PIK3C2G: variants seen among roughly 807,000 people sequenced by gnomAD.
The protein encoded by PIK3C2G is phosphatidylinositol-4-phosphate 3-kinase catalytic subunit type 2 gamma.
In PIK3C2G, 168 loss-of-function variants were observed where a neutral mutation model predicts 181.1. That is an observed-to-expected ratio of 0.93 (90% CI 0.82 to 1.05). PIK3C2G has a LOEUF of 1.05. Ranked by LOEUF, PIK3C2G falls within the 50% of genes least tolerant of loss-of-function variation. The pLI is 0.00. For missense variants in PIK3C2G, 1,869 were observed against 1,732.8 expected, an observed-to-expected ratio of 1.08 and a Z score of -1.40; for synonymous variants, 573 against 592.2, an observed-to-expected ratio of 0.97 and a Z score of 0.47.
At chr12:18,689,438 C>A in the PIK3C2G span, among the ~76,000 whole-genome samples, 1 of 152,134 alleles carries the variant, frequency 6.6e-6, no homozygotes, top group African/African-American at 2.4e-5. Flanking sequence ...TTATGAGATT[C>A]TTTTTGCATT....
intron 11 of PIK3C2G, among the ~76,000 whole-genome samples, chr12:18,348,769 G>T (rs190251569): frequency 2.6e-4 from 39 of 152,270 alleles, no homozygotes; most frequent in African/African-American, 8.9e-4. Flanking sequence ...TTACCCCAAA[G>T]CTTAGCAGTT....
chr12:18,716,253 GA>G, the PIK3C2G span, among the ~76,000 whole-genome samples: 7 of 151,658 alleles, frequency 4.6e-5, no homozygotes, highest in African/African-American at 1.2e-4. Context: ...GGGGTGGGGG[GA>G]AAAAACCACC....
intron 2 of PIK3C2G, 64 bp downstream of exon 2, chr12:18,282,823 G>A: frequency 9.0e-7 from 1 of 1,116,676 alleles, no homozygotes; most frequent in Non-Finnish European, 1.3e-6. Context: ...AATGTATTGG[G>A]TTAATTTGGT....
downstream of PIK3C2G, among the ~76,000 whole-genome samples, chr12:18,652,805 A>T (rs958564333): frequency 6.6e-6 from 1 of 151,902 alleles, no homozygotes; most frequent in Non-Finnish European, 1.5e-5. Flanking sequence ...AGAAAGAATT[A>T]TTATGTCTCC....
intron 29 of PIK3C2G, among the ~76,000 whole-genome samples, chr12:18,571,472 C>G (rs1011049458): frequency 6.6e-6 from 1 of 150,748 alleles, no homozygotes; most frequent in Non-Finnish European, 1.5e-5. Flanking sequence ...ATTTATACAT[C>G]TAACTACTTC....
At chr12:18,673,008 G>T in the PIK3C2G span, among the ~76,000 whole-genome samples, 1 of 152,146 alleles carries the variant, frequency 6.6e-6, no homozygotes. Context: ...TGACACAAAA[G>T]ATGGCATACA....
chr12:18,647,527 A>G (rs1401988148), intron 32 of PIK3C2G, among the ~76,000 whole-genome samples: 1 of 151,370 alleles, frequency 6.6e-6, no homozygotes, highest in African/African-American at 2.4e-5. Context: ...TTTTATTTTT[A>G]TGAATACATA....
the PIK3C2G span, among the ~76,000 whole-genome samples, chr12:18,687,529 G>A: frequency 6.6e-6 from 1 of 152,060 alleles, no homozygotes; most frequent in Admixed American, 6.6e-5. Context: ...TGTGTAAGAT[G>A]TCATAGCATG....
intron 8 of PIK3C2G, among the ~76,000 whole-genome samples, chr12:18,326,544 A>C (rs912613003): frequency 6.6e-6 from 1 of 152,212 alleles, no homozygotes; most frequent in Admixed American, 6.5e-5. Context: ...ATGTAAAGAC[A>C]TGGAGACTAC....
At chr12:18,316,783 A>G (rs925314646) in intron 6 of PIK3C2G, among the ~76,000 whole-genome samples, 1 of 151,988 alleles carries the variant, frequency 6.6e-6, no homozygotes, top group Non-Finnish European at 1.5e-5. Context: ...TGGCAAATGT[A>G]TTTGTATATT....
chr12:18,559,815 TATATATAGAGAGAGAGAGAG>T (rs1252538517), intron 26 of PIK3C2G, among the ~76,000 whole-genome samples: 79 of 24,436 alleles, frequency 3.2e-3, no homozygotes, highest in Non-Finnish European at 5.4e-3. Context: ...TATATATATA[TATATATAGAGAGAGAGAGAG>T]AGAGAGAGAG....
upstream of PIK3C2G, among the ~76,000 whole-genome samples, chr12:18,246,761 G>A (rs1948044109): frequency 6.6e-6 from 1 of 152,056 alleles, no homozygotes. Flanking sequence ...TCAGCAATAC[G>A]GCAGTCATTC....
the PIK3C2G span, chr12:18,693,057 G>A: frequency 6.1e-5 from 90 of 1,481,352 alleles, no homozygotes; most frequent in Non-Finnish European, 8.3e-5. Context: ...AAAGCAAGAA[G>A]GGAAAAGATC....
chr12:18,314,212 T>G (rs2137408330), intron 6 of PIK3C2G, 148 bp downstream of exon 6: 1 of 585,994 alleles, frequency 1.7e-6, no homozygotes, highest in East Asian at 2.8e-5. Flanking sequence ...TGATGAAATA[T>G]CTTATCTAAA....
intron 18 of PIK3C2G, among the ~76,000 whole-genome samples, chr12:18,482,572 T>C (rs2136026611): frequency 6.6e-6 from 1 of 152,306 alleles, no homozygotes; most frequent in Admixed American, 6.5e-5. Context: ...TACAAACCCT[T>C]GTTTTGTCAA....
chr12:18,619,613 C>G (rs1339606258), intron 31 of PIK3C2G, among the ~76,000 whole-genome samples: 1 of 151,700 alleles, frequency 6.6e-6, no homozygotes, highest in Non-Finnish European at 1.5e-5. Flanking sequence ...TTGATTTTTT[C>G]TTTGTCTTTG....
intron 15 of PIK3C2G, among the ~76,000 whole-genome samples, chr12:18,394,630 T>C (rs1037971477): frequency 2.0e-5 from 3 of 151,982 alleles, no homozygotes; most frequent in Admixed American, 6.6e-5. Context: ...ATTTAAGAAC[T>C]GAAAACACAA....
At chr12:18,417,241 T>C (rs939336757) in intron 16 of PIK3C2G, among the ~76,000 whole-genome samples, 3 of 152,154 alleles carry the variant, frequency 2.0e-5, no homozygotes, top group African/African-American at 4.8e-5. Context: ...TTCTTATGGA[T>C]GAGCAAAAAA....
chr12:18,392,268 A>G (rs575005206), intron 15 of PIK3C2G, among the ~76,000 whole-genome samples: 1 of 152,154 alleles, frequency 6.6e-6, no homozygotes, highest in Non-Finnish European at 1.5e-5. Context: ...TAGAGAGTCC[A>G]AATCAACTGG....
Sources: allele counts gnomAD v4.1 joint callset (sites outside exome capture counted in the v4.1 genomes callset), GRCh38; gene constraint gnomAD v4.1.1; transcripts MANE v1.5; gene names NCBI Gene and HGNC (gene_info 2026-07-23, HGNC 2026-07-21).